MICAL3: variants seen among roughly 807,000 people sequenced by gnomAD.
MICAL3 encodes the protein [F-actin]-monooxygenase MICAL3.
MICAL3 carries 62 observed loss-of-function variants against 207.4 expected under a neutral mutation model. The ratio of observed to expected loss-of-function variants is 0.30; its 90% CI spans 0.24 to 0.37. MICAL3 has a LOEUF of 0.37. Ranked by LOEUF, MICAL3 falls within the 10% of genes least tolerant of loss-of-function variation. The pLI, the probability that MICAL3 is intolerant of heterozygous loss-of-function variation, is 1.00. For synonymous variants in MICAL3, 1,077 were observed against 1,069.3 expected (o/e 1.01, Z -0.14); for missense variants, 2,368 against 2,635.6 (o/e 0.90, Z 2.22).
At chr22:17,937,381 G>T (rs1933586768) in intron 1 of MICAL3, among the ~76,000 whole-genome samples, 1 of 152,154 alleles carries the variant, frequency 6.6e-6, no homozygotes, top group African/African-American at 2.4e-5. Context: ...CAAAAAAGAT[G>T]GGCCGGGCGT....
intron 24 of MICAL3, 148 bp downstream of exon 24, chr22:17,821,882 G>A (rs1921687435): frequency 9.9e-7 from 1 of 1,009,594 alleles, no homozygotes. Context: ...GTGGACAGAG[G>A]AGGAAAAGGC....
intron 1 of MICAL3, among the ~76,000 whole-genome samples, chr22:17,950,846 A>G (rs1232769474): frequency 1.3e-5 from 2 of 152,228 alleles, no homozygotes; most frequent in African/African-American, 2.4e-5. Context: ...CACTACTTGG[A>G]AAGACTCAGA....
chr22:17,845,460 G>T (rs772320080), intron 19 of MICAL3, among the ~76,000 whole-genome samples: 3 of 152,074 alleles, frequency 2.0e-5, no homozygotes, highest in Non-Finnish European at 4.4e-5. Context: ...GAATCCTTTC[G>T]GTACGACGTG....
intron 1 of MICAL3, among the ~76,000 whole-genome samples, chr22:17,948,994 G>C (rs761313781): frequency 4.6e-5 from 7 of 151,558 alleles, no homozygotes; most frequent in African/African-American, 9.7e-5. Flanking sequence ...TGGATCACTT[G>C]AGGTCTGAAG....
At chr22:17,867,329 G>A (rs376212133) in intron 17 of MICAL3, among the ~76,000 whole-genome samples, 4 of 152,108 alleles carry the variant, frequency 2.6e-5, no homozygotes, top group East Asian at 1.9e-4. Context: ...CAGTCTTACC[G>A]CCTGTTTCTC....
chr22:18,008,126 GCTA>G (rs1301781758), intron 1 of MICAL3, among the ~76,000 whole-genome samples: 1 of 151,878 alleles, frequency 6.6e-6, no homozygotes, highest in Non-Finnish European at 1.5e-5. Flanking sequence ...TGTGATCCCA[GCTA>G]CTCAGGAGGC....
chr22:17,789,588 A>AGCT lies in MICAL3; in HGVS notation c.*1141_*1143dup, dbSNP rs1347660649. The AGCT allele has an allele frequency of 2.6e-5, 4 of 152,422 alleles. No individual in the cohort carries two copies. Among genetic ancestry groups the AGCT allele is most frequent in the Admixed American group, 6.5e-5 (1 of 15,308 alleles). 9.4% of individuals were successfully genotyped at this position (152,422 alleles called of 1,614,324 possible). A position where few individuals can be genotyped will look rare whatever the true frequency, so the allele number is the denominator to read the frequency against. ...GCACCGGGTGGAGGAGGGGACAGAA[A>AGCT]GCTGTGAGGAGGACCCACACAGGGG... is the stretch of plus-strand genomic sequence containing the variant. On this transcript the variant is annotated 3_prime_UTR_variant, in exon 32 of 32. Coordinates refer to ENST00000441493, the MANE Select transcript of MICAL3 (RefSeq NM_015241.3).
Position 17,865,977 on chromosome 22 carries a change from G to A in MICAL3, c.2464C>T (p.Leu822Phe), listed in dbSNP as rs199862648. The change falls in exon 18 of 32, where the codon CTC becomes TTC. Residue 822 changes from leucine to phenylalanine, a missense_variant. Around this residue, in one of 4 missense-constraint regions of MICAL3, gnomAD observed 1,770 missense variants for 1,863.2 expected, o/e 0.95. Coordinates refer to ENST00000441493, the MANE Select transcript of MICAL3 (RefSeq NM_015241.3). ...CTCTTCCTTTGTGCGTAGCCAGAGA[G>A]TCGATAGCAGTAGTGTGGCTTACAG... ...FYCKPHYCYRLSGYAQRKRPA... is the reference protein window; with the variant it reads ...FYCKPHYCYRFSGYAQRKRPA... The A allele has an allele frequency of 1.2e-4, 199 of 1,613,860 alleles. No individual in the cohort carries two copies. The highest frequency in any genetic ancestry group is 4.9e-4 in the Middle Eastern group (3 of 6,082).
intron 1 of MICAL3, among the ~76,000 whole-genome samples, chr22:17,945,701 T>C (rs1934033577): frequency 6.6e-6 from 1 of 151,718 alleles, no homozygotes; most frequent in Non-Finnish European, 1.5e-5. Flanking sequence ...ACCAGGCACC[T>C]CCCTCCCCCA....
At chr22:17,962,461 G>C (rs1291282594) in intron 1 of MICAL3, among the ~76,000 whole-genome samples, 4 of 152,168 alleles carry the variant, frequency 2.6e-5, no homozygotes, top group African/African-American at 9.7e-5. Flanking sequence ...AGCTGGTGTG[G>C]GACCTGGGAG....
chr22:17,833,289 T>C (rs1003336322), intron 20 of MICAL3, among the ~76,000 whole-genome samples: 3 of 148,750 alleles, frequency 2.0e-5, no homozygotes, highest in African/African-American at 7.5e-5. Context: ...TCCCAAAGCA[T>C]CTTTTTCAGG....
chr22:17,933,082 G>T (rs557792922), intron 1 of MICAL3, among the ~76,000 whole-genome samples: 13 of 152,206 alleles, frequency 8.5e-5, no homozygotes, highest in African/African-American at 3.1e-4. Context: ...GGTTAACCAG[G>T]ATATCCAGGA....
At chr22:17,906,453 T>C (rs904537707) in intron 2 of MICAL3, 96 bp downstream of exon 2, 11 of 1,605,388 alleles carry the variant, frequency 6.9e-6, no homozygotes, top group African/African-American at 4.0e-5. Flanking sequence ...CCAGACCTTG[T>C]AGATCATATA....
chr22:17,971,490 A>C (rs1935410691), intron 1 of MICAL3, among the ~76,000 whole-genome samples: 1 of 152,062 alleles, frequency 6.6e-6, no homozygotes, highest in African/African-American at 2.4e-5. Context: ...AAAACAAACA[A>C]ACAAAAAACC....
intron 20 of MICAL3, chr22:17,834,657 C>A: frequency 3.0e-6 from 3 of 999,954 alleles, no homozygotes; most frequent in Non-Finnish European, 3.6e-6. Flanking sequence ...AACACAAGCA[C>A]GGTGGGCGGA....
At chr22:17,909,450 G>A (rs377496528) in intron 1 of MICAL3, among the ~76,000 whole-genome samples, 1 of 152,132 alleles carries the variant, frequency 6.6e-6, no homozygotes, top group African/African-American at 2.4e-5. Flanking sequence ...GCTTGAATTC[G>A]GGAGGCGGAG....
chr22:17,818,311 G>C lies in MICAL3; in HGVS notation c.4350C>G (p.Ser1450=). 1 of 1,558,206 alleles carries C rather than the reference G, an allele frequency of 6.4e-7. No homozygotes were observed. Among genetic ancestry groups the C allele is most frequent in the Non-Finnish European group, 8.6e-7 (1 of 1,157,996 alleles). The change falls in exon 26 of 32, where the codon TCC becomes TCG. Residue 1450 remains serine, a synonymous_variant. Coordinates refer to ENST00000441493, the MANE Select transcript of MICAL3 (RefSeq NM_015241.3). ...LGSQSFNTSD[S]AMLTPPSSPP... ...GGCTGGAGGGGGGCGTGAGCATGGCGGAGTCCGAGGTGTTGAAGCTCTGGC... is the reference window on the plus strand; with the variant it reads ...GGCTGGAGGGGGGCGTGAGCATGGCCGAGTCCGAGGTGTTGAAGCTCTGGC...
Position 17,908,553 on chromosome 22 carries a change from C to T in MICAL3, c.-74-1667G>A, listed in dbSNP as rs142036309. ...CAATCTCCTGACCTCGTGATCTGCC[C>T]GCCTCGGCCTCCCAAAGTGCTGGGA... is the stretch of plus-strand genomic sequence containing the variant. On this transcript the variant is annotated intron_variant, in intron 1 of 31. Transcript: ENST00000441493. Among the ~76,000 whole-genome samples the T allele has an allele frequency of 2.7e-3, 410 of 152,194 alleles. 1 individual carries two copies. Among genetic ancestry groups the T allele is most frequent in the African/African-American group, 5.2e-3 (217 of 41,514 alleles).
chr22:17,988,504 G>C (rs1602356748), intron 1 of MICAL3, among the ~76,000 whole-genome samples: 1 of 152,214 alleles, frequency 6.6e-6, no homozygotes, highest in Non-Finnish European at 1.5e-5. Context: ...GCCCAGGCTG[G>C]AGTGCAGTGA....
Sources: allele counts gnomAD v4.1 joint callset (sites outside exome capture counted in the v4.1 genomes callset), GRCh38; gene constraint gnomAD v4.1.1; regional missense constraint gnomAD v4.1.1; transcripts MANE v1.5; gene names NCBI Gene and HGNC (gene_info 2026-07-23, HGNC 2026-07-21).